The following ZNF667 variants were observed in gnomAD, a reference collection of about 807,000 sequenced individuals.
ZNF667 encodes the protein zinc finger protein 667.
ZNF667 carries 13 observed loss-of-function variants against 31.8 expected under a neutral mutation model. That is an observed-to-expected ratio of 0.41 (90% confidence interval 0.27 to 0.65). The LOEUF is 0.65. ZNF667 is among the 30% of genes least tolerant of loss of function. ZNF667 has a pLI of 0.32. For missense variants in ZNF667, 642 were observed against 725.6 expected, an observed-to-expected ratio of 0.88 and a Z score of 1.32; for synonymous variants, 228 against 247.1, an observed-to-expected ratio of 0.92 and a Z score of 0.73.
rs1568828971 is a variant in ZNF667, at chr19:56,440,961, ATGAC to A, written c.*197_*200del. Reference sequence around the variant, plus strand: ...AAATGAAAAATGATCTTCATTCACAATGACTGACCAAACTTCTGAGTTTCCTTCA... The same window carrying A: ...AAATGAAAAATGATCTTCATTCACAATGACCAAACTTCTGAGTTTCCTTCA... On this transcript the variant is annotated 3_prime_UTR_variant, in exon 7 of 7. Transcript: ENST00000504904. 8 of 1,406,238 alleles carry A rather than the reference ATGAC, an allele frequency of 5.7e-6. No homozygotes were observed. Among genetic ancestry groups the A allele is most frequent in the Non-Finnish European group, 7.4e-6 (8 of 1,084,702 alleles). The allele number at this position is 1,406,238 out of a possible 1,614,324, so 87.1% of individuals were successfully genotyped here.
At chr19:56,469,615 T>C (rs78405018) in intron 3 of ZNF667, among the ~76,000 whole-genome samples, 1,781 of 152,314 alleles carry the variant, frequency 0.012, 37 homozygotes, top group African/African-American at 0.041. Flanking sequence ...AAACCTCACC[T>C]TCTCAGCAAG....
At position 56,441,324 on chromosome 19, in the gene ZNF667, A is replaced by G. The variant is rs777532606; in HGVS notation, c.1671T>C (p.Cys557=). The G allele has an allele frequency of 6.2e-7, 1 of 1,614,126 alleles. No homozygotes were observed. Among genetic ancestry groups the G allele is most frequent in the Non-Finnish European group, 8.5e-7 (1 of 1,180,054 alleles). Residue 557 remains cysteine (C), a synonymous_variant, in exon 7 of 7, where the codon TGT becomes TGC. Coordinates refer to ENST00000504904, the MANE Select transcript of ZNF667 (RefSeq NM_001321356.2). This position sits in a 1 kb window ranked among gnomAD's most constrained non-coding sequence, Gnocchi z 4.2. ...TGCTAAATGCCTTCCCACATTCATT[A>G]CATTCATAGGGTTTCTCTCCAGTAT... ...RSHTGEKPYE[C]NECGKAFSSG...
intron 3 of ZNF667, among the ~76,000 whole-genome samples, chr19:56,463,847 T>C (rs904979521): frequency 2.0e-5 from 3 of 152,126 alleles, no homozygotes; most frequent in Non-Finnish European, 2.9e-5. Context: ...TTCACTCCAA[T>C]CTATTCACTA....
Position 56,441,367 on chromosome 19 carries a change from A to G in ZNF667, c.1628T>C (p.Ile543Thr), listed in dbSNP as rs1238636587. The G allele has an allele frequency of 4.3e-6, 7 of 1,614,044 alleles. No homozygotes were observed. Among genetic ancestry groups the G allele is most frequent in the East Asian group, 2.2e-5 (1 of 44,870 alleles). Residue 543 changes from isoleucine (I) to threonine (T), a missense_variant, in exon 7 of 7, where the codon ATT becomes ACT. Coordinates refer to ENST00000504904, the MANE Select transcript of ZNF667 (RefSeq NM_001321356.2). This position sits in a 1 kb window ranked among gnomAD's most constrained non-coding sequence, Gnocchi z 4.2. ...TCCAGTATGACTTCTTTCATGTAGA[A>G]TAAGAGATGTGCGCTGACTAAAGGC... ...GKAFSQRTSL[I>T]LHERSHTGEK...
rs142852549 is a variant in ZNF667, at chr19:56,450,345, T to C, written c.254-7604A>G. On this transcript the variant is annotated intron_variant, in intron 6 of 6. Transcript: ENST00000504904. ...AAAGAGCTGAAGAAAACAAAAACAT[T>C]TATCCTGGAATATTATATCCAGTGA... Among the ~76,000 whole-genome samples the C allele has an allele frequency of 4.1e-3, 623 of 152,206 alleles. 4 individuals carry two copies. Among genetic ancestry groups the C allele is most frequent in the African/African-American group, 0.014 (597 of 41,522 alleles).
At chr19:56,473,872 G>A (rs1016670060) in intron 2 of ZNF667, 140 bp downstream of exon 2, 30 of 152,232 alleles carry the variant, frequency 2.0e-4, no homozygotes, top group South Asian at 2.1e-4. Flanking sequence ...TTGTAGCAGT[G>A]ACTGTCCCTG....
At chr19:56,476,432 A>T (rs2147864416) in intron 1 of ZNF667, among the ~76,000 whole-genome samples, 1 of 152,238 alleles carries the variant, frequency 6.6e-6, no homozygotes, top group Non-Finnish European at 1.5e-5. Context: ...GTCCTCCAGT[A>T]TTCACCACTA....
Position 56,442,513 on chromosome 19 carries a change from A to C in ZNF667, c.482T>G (p.Leu161Arg). The change falls in exon 7 of 7, where the codon CTT (leucine) becomes CGT (arginine). Residue 161 changes from leucine (L) to arginine (R), a missense_variant. Transcript: ENST00000504904. The part of the protein sequence containing the change: ...KTFSRSFSLK[L>R]HQNIHTGEKP... ...CTCTCCTGTATGAATGTTCTGATGA[A>C]GTTTAAGAGAGAAGCTTCGACTAAA... 1 of 1,613,586 alleles carries C rather than the reference A, an allele frequency of 6.2e-7. No homozygotes were observed. The highest frequency in any genetic ancestry group is 8.5e-7 in the Non-Finnish European group (1 of 1,179,806).
Position 56,440,677 on chromosome 19 carries a change from C to T in ZNF667, c.*485G>A. The T allele has an allele frequency of 1.2e-6, 1 of 839,124 alleles. No homozygotes were observed. The highest frequency in any genetic ancestry group is 5.4e-5 in the South Asian group (1 of 18,594). 52.0% of individuals were successfully genotyped at this position (839,124 alleles called of 1,614,324 possible). The stretch of plus-strand genomic sequence containing the variant: ...TTTGACACAGAGTCTTGCTCTGTTG[C>T]CCAGACTGGAGTGCAGTGGTGCAAT... On this transcript the variant is annotated 3_prime_UTR_variant, in exon 7 of 7. Transcript: ENST00000504904.
At chr19:56,453,336 T>G (rs566154442) in intron 6 of ZNF667, among the ~76,000 whole-genome samples, 51 of 152,026 alleles carry the variant, frequency 3.4e-4, no homozygotes, top group African/African-American at 1.1e-3. Flanking sequence ...TTCCAAAAAA[T>G]AGAGGAGGAC....
chr19:56,467,006 G>A (rs2043175273), intron 3 of ZNF667: 2 of 456,406 alleles, frequency 4.4e-6, no homozygotes, highest in African/African-American at 2.0e-5. Context: ...TCCTTCCTGT[G>A]CAAGATCCAA....
At chr19:56,444,916 T>G (rs1394604481) in intron 6 of ZNF667, among the ~76,000 whole-genome samples, 12 of 1,544 alleles carry the variant, frequency 7.8e-3, no homozygotes, top group African/African-American at 4.5e-3. Context: ...CACTGAGGAT[T>G]AAATTTCAAC....
Position 56,441,004 on chromosome 19 carries a change from C to G in ZNF667, c.*158G>C. 6 of 1,422,492 alleles carry G rather than the reference C, an allele frequency of 4.2e-6. No individual in the cohort carries two copies. The highest frequency in any genetic ancestry group is 5.5e-6 in the Non-Finnish European group (6 of 1,091,120). 88.1% of individuals were successfully genotyped at this position (1,422,492 alleles called of 1,614,324 possible). ...GAGTTTCCTTCAGTTAATTTCAAAT[C>G]CTGAGGTCAAAATCACCAATGACTT... On this transcript the variant is annotated 3_prime_UTR_variant, in exon 7 of 7. Coordinates refer to ENST00000504904, the MANE Select transcript of ZNF667 (RefSeq NM_001321356.2). The surrounding 1 kb of genome is among the most constrained non-coding windows in gnomAD (Gnocchi z 4.2).
rs1746606585 is a variant in ZNF667, at chr19:56,471,720, T to C, written c.-81A>G. The stretch of plus-strand genomic sequence containing the variant: ...TTACCAGATAAGCAGATCAGTTGGC[T>C]TTCCCCTTCCAATTACTTAGGTAAA... On this transcript the variant is annotated 5_prime_UTR_variant, in exon 3 of 7. Transcript: ENST00000504904. 6.6e-6 allele frequency: 1 copy of C among 152,204 alleles called. No individual in the cohort carries two copies. The highest frequency in any genetic ancestry group is 2.1e-4 in the South Asian group (1 of 4,832). 9.4% of individuals were successfully genotyped at this position (152,204 alleles called of 1,614,324 possible).
chr19:56,442,768 T>A (rs1384233136), intron 6 of ZNF667, 27 bp from the exon 7 acceptor site: 1 of 1,498,320 alleles, frequency 6.7e-7, no homozygotes, highest in African/African-American at 1.4e-5. Flanking sequence ...AATTAAATGT[T>A]TCTCCTTTTC....
chr19:56,453,519 G>C (rs962225335), intron 6 of ZNF667, among the ~76,000 whole-genome samples: 1 of 152,132 alleles, frequency 6.6e-6, no homozygotes, highest in Non-Finnish European at 1.5e-5. Flanking sequence ...TTAATCCCAG[G>C]AATGCCTGGA....
At chr19:56,451,422 C>G (rs557701491) in intron 6 of ZNF667, among the ~76,000 whole-genome samples, 7 of 152,038 alleles carry the variant, frequency 4.6e-5, no homozygotes, top group Admixed American at 2.6e-4. Context: ...ATCATCCAGA[C>G]AGAAAATCAA....
chr19:56,476,272 G>A (rs927654045), intron 1 of ZNF667, among the ~76,000 whole-genome samples: 3 of 152,146 alleles, frequency 2.0e-5, no homozygotes, highest in Non-Finnish European at 4.4e-5. Context: ...AGCGTCAGTG[G>A]AGGGCTCTGT....
intron 5 of ZNF667, among the ~76,000 whole-genome samples, chr19:56,458,859 AG>A (rs1366947644): frequency 1.3e-5 from 2 of 152,194 alleles, no homozygotes; most frequent in Non-Finnish European, 2.9e-5. Flanking sequence ...GGTAAGCATA[AG>A]TAAAGCGCCT....
Sources: allele counts gnomAD v4.1 joint callset (sites outside exome capture counted in the v4.1 genomes callset), GRCh38; gene constraint gnomAD v4.1.1; non-coding constraint Gnocchi (gnomAD v3.1); transcripts MANE v1.5; gene names NCBI Gene and HGNC (gene_info 2026-07-23, HGNC 2026-07-21).